Variants in PRELID2 observed in about 807,000 individuals in gnomAD.
The protein encoded by PRELID2 is PRELI domain containing 2, also known as PRELI domain-containing protein 2.
In PRELID2, 25 loss-of-function variants were observed where a neutral mutation model predicts 28.4. That is an observed-to-expected ratio of 0.88 (90% CI 0.64 to 1.23). The LOEUF is 1.23. Among genes scored for constraint, PRELID2 ranks in the 50% most tolerant of loss-of-function variants. The probability of loss-of-function intolerance (pLI) is 0.00; values close to 1 mark genes in which losing one functional copy is unlikely to be tolerated. For missense variants in PRELID2, 201 were observed against 214.4 expected (o/e 0.94, Z 0.39); for synonymous variants, 76 against 71.6 (o/e 1.06, Z -0.31).
At chr5:145,446,734 G>A in the PRELID2 span, among the ~76,000 whole-genome samples, 3 of 152,016 alleles carry the variant, frequency 2.0e-5, no homozygotes, top group African/African-American at 4.8e-5. Flanking sequence ...ACAGCAAGAG[G>A]AACAGATTGC....
the PRELID2 span, among the ~76,000 whole-genome samples, chr5:145,327,980 G>C: frequency 5.3e-5 from 8 of 151,036 alleles, no homozygotes; most frequent in Non-Finnish European, 1.0e-4. Flanking sequence ...TTCCCCTCCC[G>C]GTGTCCCTGT....
chr5:145,387,160 T>C, the PRELID2 span, among the ~76,000 whole-genome samples: 1 of 152,184 alleles, frequency 6.6e-6, no homozygotes, highest in East Asian at 1.9e-4. Flanking sequence ...ATGGTTCAAT[T>C]TGTGATACCA....
intron 1 of PRELID2, among the ~76,000 whole-genome samples, chr5:145,737,625 C>G (rs1274134225): frequency 2.0e-5 from 3 of 152,106 alleles, no homozygotes; most frequent in Non-Finnish European, 4.4e-5. Flanking sequence ...GATGGTCTCT[C>G]CAGGCAAAAG....
At chr5:145,628,856 CCACGTGGAAAACGGTTG>C (rs1753893142) in intron 1 of PRELID2, among the ~76,000 whole-genome samples, 1 of 152,134 alleles carries the variant, frequency 6.6e-6, no homozygotes, top group Non-Finnish European at 1.5e-5. Flanking sequence ...CCACCACAGC[CCACGTGGAAAACGGTTG>C]CAGAATGAGT....
the PRELID2 span, among the ~76,000 whole-genome samples, chr5:145,318,203 G>A: frequency 6.6e-6 from 1 of 152,158 alleles, no homozygotes; most frequent in African/African-American, 2.4e-5. Context: ...AAATATCTAT[G>A]TTCTCAAAAG....
At chr5:145,343,472 TG>T in the PRELID2 span, among the ~76,000 whole-genome samples, 2 of 148,808 alleles carry the variant, frequency 1.3e-5, no homozygotes, top group African/African-American at 2.5e-5. Context: ...TTAAAACAAA[TG>T]AAAAAAAAAC....
intron 1 of PRELID2, among the ~76,000 whole-genome samples, chr5:145,547,259 G>C (rs1049368370): frequency 6.6e-6 from 1 of 152,090 alleles, no homozygotes; most frequent in Non-Finnish European, 1.5e-5. Flanking sequence ...TCCACCCAGG[G>C]ACAGTGGCAC....
chr5:145,514,484 C>T (rs74794003), intron 1 of PRELID2, among the ~76,000 whole-genome samples: 61 of 152,224 alleles, frequency 4.0e-4, no homozygotes, highest in African/African-American at 1.3e-3. Flanking sequence ...TAAAGGTGCA[C>T]CCAGATTGAT....
At chr5:145,241,193 G>T in the PRELID2 span, among the ~76,000 whole-genome samples, 1 of 151,906 alleles carries the variant, frequency 6.6e-6, no homozygotes, top group African/African-American at 2.4e-5. Flanking sequence ...AGCCTTTCTT[G>T]CAATTAGATA....
the PRELID2 span, among the ~76,000 whole-genome samples, chr5:145,344,329 G>T: frequency 2.0e-4 from 31 of 152,076 alleles, no homozygotes; most frequent in South Asian, 6.2e-3. Context: ...CCCATCCCAG[G>T]AATTCAAGGA....
At chr5:145,299,773 A>G in the PRELID2 span, among the ~76,000 whole-genome samples, 1 of 152,004 alleles carries the variant, frequency 6.6e-6, no homozygotes, top group African/African-American at 2.4e-5. Context: ...GGGGACTGCA[A>G]AATGGTGATA....
At chr5:145,793,018 T>C (rs974712810) in intron 5 of PRELID2, among the ~76,000 whole-genome samples, 2 of 152,174 alleles carry the variant, frequency 1.3e-5, no homozygotes, top group Non-Finnish European at 2.9e-5. Flanking sequence ...GTTTCAAGGA[T>C]ACATCTGTCA....
chr5:145,711,770 T>C (rs1027168712), intron 1 of PRELID2, among the ~76,000 whole-genome samples: 3 of 151,902 alleles, frequency 2.0e-5, no homozygotes, highest in Non-Finnish European at 4.4e-5. Flanking sequence ...CTGAGAGAAA[T>C]TGCTCACAGG....
chr5:145,235,056 T>C, the PRELID2 span, among the ~76,000 whole-genome samples: 4 of 152,226 alleles, frequency 2.6e-5, no homozygotes, highest in East Asian at 7.7e-4. Flanking sequence ...AGGACCATAA[T>C]ATTATGATGC....
At position 145,760,145 on chromosome 5, in the gene PRELID2, A is replaced by C. The variant is rs933864154; in HGVS notation, c.*391T>G. The C allele has an allele frequency of 2.0e-5, 3 of 152,166 alleles. No individual in the cohort carries two copies. Among genetic ancestry groups the C allele is most frequent in the Admixed American group, 2.0e-4 (3 of 15,266 alleles). 9.4% of individuals were successfully genotyped at this position (152,166 alleles called of 1,614,324 possible). On this transcript the variant is annotated 3_prime_UTR_variant, in exon 7 of 7. Coordinates refer to ENST00000683046, the MANE Select transcript of PRELID2 (RefSeq NM_205846.3). ...TAGGAACAACGGTGCTGATAACATA[A>C]GGGCACAAGCACCCTCTCCAGGCCT...
rs182351089 is a variant in PRELID2 at position 145,748,033 on chromosome 5, C to T, written n.70+16898G>A. 2.0e-5 allele frequency among the ~76,000 whole-genome samples: 3 copies of T among 152,272 alleles called. No individual in the cohort carries two copies. The East Asian group carries it at 5.8e-4, about 29-fold the overall frequency. On this transcript the variant is annotated intron_variant and non_coding_transcript_variant, in intron 1 of 2. Transcript: ENST00000510259. ...TCAAAATAATAAGAGCCATTTATGA[C>T]AAACCCAAAGCCAATATCATATTGA...
chr5:145,383,149 A>AG, the PRELID2 span, among the ~76,000 whole-genome samples: 1 of 151,544 alleles, frequency 6.6e-6, no homozygotes, highest in South Asian at 2.1e-4. Context: ...ATGTGGGAAA[A>AG]AAAAGCAAAC....
At chr5:145,282,480 T>C in the PRELID2 span, among the ~76,000 whole-genome samples, 1 of 152,136 alleles carries the variant, frequency 6.6e-6, no homozygotes, top group African/African-American at 2.4e-5. Flanking sequence ...GAAGCCAAAC[T>C]GTAATGGGAT....
chr5:145,721,457 A>G (rs923922478), intron 1 of PRELID2, among the ~76,000 whole-genome samples: 1 of 152,158 alleles, frequency 6.6e-6, no homozygotes, highest in Non-Finnish European at 1.5e-5. Context: ...TTATCACTAA[A>G]TACCTAATCC....
Sources: allele counts gnomAD v4.1 joint callset (sites outside exome capture counted in the v4.1 genomes callset), GRCh38; gene constraint gnomAD v4.1.1; transcripts MANE v1.5; gene names NCBI Gene and HGNC (gene_info 2026-07-23, HGNC 2026-07-21).